Variants in OSBPL2 observed in about 807,000 individuals in gnomAD.
OSBPL2 encodes oxysterol binding protein like 2, also known as oxysterol-binding protein-related protein 2.
A neutral mutation model predicts 58.4 loss-of-function variants in OSBPL2; 18 were observed. The ratio of observed to expected loss-of-function variants is 0.31; its 90% CI spans 0.21 to 0.46. The LOEUF (loss-of-function observed/expected upper bound fraction) is 0.46. Ranked by LOEUF, OSBPL2 falls within the 20% of genes least tolerant of loss-of-function variation. The pLI, the probability that OSBPL2 is intolerant of heterozygous loss-of-function variation, is 1.00. For missense variants in OSBPL2, 461 were observed against 616.5 expected (o/e 0.75, Z 2.67); for synonymous variants, 221 against 234.1 (o/e 0.94, Z 0.51).
At chr20:62,279,039 T>C (rs1982605140) in intron 6 of OSBPL2, 118 bp from the exon 7 acceptor site, 1 of 793,204 alleles carries the variant, frequency 1.3e-6, no homozygotes, top group East Asian at 2.5e-5. Flanking sequence ...CCACATGTTG[T>C]GGCATGGAGG....
chr20:62,283,879 A>G (rs1982944215), intron 9 of OSBPL2, among the ~76,000 whole-genome samples, 167 bp from the exon 10 acceptor site: 1 of 152,066 alleles, frequency 6.6e-6, no homozygotes, highest in African/African-American at 2.4e-5. Flanking sequence ...TATCGGGGCT[A>G]CGAATGGTCC....
intron 6 of OSBPL2, among the ~76,000 whole-genome samples, chr20:62,277,607 C>G (rs139019132): frequency 4.8e-4 from 73 of 152,330 alleles, no homozygotes; most frequent in African/African-American, 1.6e-3. Context: ...CTACAGATCC[C>G]TTGTTATAGC....
chr20:62,239,637 T>C (rs1415076708), intron 1 of OSBPL2, among the ~76,000 whole-genome samples: 2 of 152,202 alleles, frequency 1.3e-5, no homozygotes, highest in African/African-American at 4.8e-5. Context: ...TGGGCCTGGC[T>C]GGGTGCTGTG....
At chr20:62,250,546 C>T (rs1414590705) in intron 1 of OSBPL2, among the ~76,000 whole-genome samples, 2 of 152,186 alleles carry the variant, frequency 1.3e-5, no homozygotes, top group Non-Finnish European at 2.9e-5. Context: ...CATCTTAATC[C>T]TCATTTTAAA....
At chr20:62,260,148 T>C in intron 3 of OSBPL2, 23 bp downstream of exon 3, 2 of 1,609,128 alleles carry the variant, frequency 1.2e-6, no homozygotes, top group South Asian at 1.1e-5. Flanking sequence ...ACGTCTGCTG[T>C]TTCTAAAATG....
intron 10 of OSBPL2, 184 bp from the exon 11 acceptor site, chr20:62,286,399 G>A (rs1377667742): frequency 3.1e-5 from 19 of 606,600 alleles, no homozygotes; most frequent in Non-Finnish European, 4.7e-5. Flanking sequence ...GCAGTGACCC[G>A]AGATCGCACC....
intron 6 of OSBPL2, among the ~76,000 whole-genome samples, chr20:62,275,469 G>A (rs1982328891): frequency 6.6e-6 from 1 of 151,768 alleles, no homozygotes; most frequent in Non-Finnish European, 1.5e-5. Flanking sequence ...CATGATCACG[G>A]CTCACTGTAG....
intron 4 of OSBPL2, among the ~76,000 whole-genome samples, chr20:62,266,496 C>G (rs1381936401): frequency 6.6e-6 from 1 of 152,190 alleles, no homozygotes; most frequent in Non-Finnish European, 1.5e-5. Flanking sequence ...GTGGCTCGTT[C>G]TGGATCCGCA....
At position 62,256,082 on chromosome 20, in the gene OSBPL2, C is replaced by T; in HGVS notation, c.-103C>T. 1 of 1,412,554 alleles carries T rather than the reference C, an allele frequency of 7.1e-7. No individual in the cohort carries two copies. The highest frequency in any genetic ancestry group is 2.4e-5 in the East Asian group (1 of 40,818). 87.5% of individuals were successfully genotyped at this position (1,412,554 alleles called of 1,614,324 possible). On this transcript the variant is annotated 5_prime_UTR_variant, in exon 2 of 14. Transcript: ENST00000313733. ...ATCTTCAGTGTCTATTGGATTTTTC[C>T]AAGAGAAAGTTTGTAAAATTCCTTA...
At chr20:62,268,433 A>T (rs974680479) in intron 4 of OSBPL2, among the ~76,000 whole-genome samples, 10 of 152,124 alleles carry the variant, frequency 6.6e-5, no homozygotes, top group African/African-American at 2.4e-4. Flanking sequence ...ACAGGTGACC[A>T]GGAGCCAAGT....
chr20:62,254,378 C>T (rs751221498), intron 1 of OSBPL2, among the ~76,000 whole-genome samples: 7 of 152,270 alleles, frequency 4.6e-5, no homozygotes, highest in Non-Finnish European at 7.3e-5. Context: ...AAGGGGGAAG[C>T]ACATCGCTGC....
intron 1 of OSBPL2, among the ~76,000 whole-genome samples, chr20:62,240,134 C>T (rs1315898707): frequency 1.3e-4 from 20 of 152,076 alleles, no homozygotes; most frequent in Non-Finnish European, 2.4e-4. Context: ...ATTCCAGGTG[C>T]GAGCCACCGC....
Position 62,288,072 on chromosome 20 carries a change from G to A in OSBPL2, c.1126-1135G>A, listed in dbSNP as rs1220068036. 7.2e-5 allele frequency among the ~76,000 whole-genome samples: 11 copies of A among 152,298 alleles called. No individual in the cohort carries two copies. Among genetic ancestry groups the A allele is most frequent in the Admixed American group, 2.0e-4 (3 of 15,312 alleles). On this transcript the variant is annotated intron_variant, in intron 11 of 13. Transcript: ENST00000313733. The surrounding 1 kb of genome is among the most constrained non-coding windows in gnomAD (Gnocchi z 4.8). ...CTAGGGATTGCGTTTGGGCGGAGGG[G>A]ACAGTCAGGGCAGAGACCCCTGGAG... is the stretch of plus-strand genomic sequence containing the variant.
At chr20:62,271,576 C>T (rs113920329) in intron 4 of OSBPL2, 2,945 of 153,178 alleles carry the variant, frequency 0.019, 93 homozygotes, top group African/African-American at 0.067. Context: ...CTCAGCCTCC[C>T]GAGTAGCTGG....
intron 1 of OSBPL2, among the ~76,000 whole-genome samples, chr20:62,244,761 C>T (rs893704923): frequency 6.6e-5 from 10 of 152,344 alleles, no homozygotes; most frequent in East Asian, 1.9e-4. Flanking sequence ...TCCGGGACGT[C>T]GGGCCACACT....
intron 4 of OSBPL2, among the ~76,000 whole-genome samples, chr20:62,266,986 G>T (rs903304262): frequency 3.3e-5 from 5 of 152,150 alleles, no homozygotes; most frequent in Non-Finnish European, 7.3e-5. Flanking sequence ...GGCGTGCGAC[G>T]GCTCACGCCT....
chr20:62,256,290 C>T (rs1026306322), intron 2 of OSBPL2, 69 bp downstream of exon 2: 14 of 1,455,862 alleles, frequency 9.6e-6, no homozygotes, highest in Non-Finnish European at 1.3e-5. Flanking sequence ...GATGTTGGAC[C>T]TGGCGTTTGG....
At chr20:62,265,733 T>A (rs570397807) in intron 4 of OSBPL2, among the ~76,000 whole-genome samples, 13 of 152,390 alleles carry the variant, frequency 8.5e-5, no homozygotes, top group African/African-American at 3.1e-4. Context: ...TGTACATTTT[T>A]GACTATGTGG....
At chr20:62,271,103 C>T (rs1010868918) in intron 4 of OSBPL2, among the ~76,000 whole-genome samples, 2 of 152,254 alleles carry the variant, frequency 1.3e-5, no homozygotes, top group Non-Finnish European at 2.9e-5. Flanking sequence ...CCAGACCCTG[C>T]TCCTTCCTGA....
Sources: allele counts gnomAD v4.1 joint callset (sites outside exome capture counted in the v4.1 genomes callset), GRCh38; gene constraint gnomAD v4.1.1; non-coding constraint Gnocchi (gnomAD v3.1); transcripts MANE v1.5; gene names NCBI Gene and HGNC (gene_info 2026-07-23, HGNC 2026-07-21).